Variants in LHFPL6 observed in about 807,000 individuals in gnomAD.
LHFPL6 encodes LHFPL tetraspan subfamily member 6 protein.
Under a neutral mutation model 20.6 loss-of-function variants are expected in LHFPL6, and 9 were observed. The ratio of observed to expected loss-of-function variants is 0.44; its 90% CI spans 0.26 to 0.76. The LOEUF (loss-of-function observed/expected upper bound fraction) is 0.76. Among genes scored for constraint, LHFPL6 ranks in the 30% least tolerant of loss-of-function variants. LHFPL6 has a pLI of 0.20. For missense variants in LHFPL6, 218 were observed against 253.5 expected, an observed-to-expected ratio of 0.86 and a Z score of 0.95; for synonymous variants, 105 against 98.7, an observed-to-expected ratio of 1.06 and a Z score of -0.38.
intron 2 of LHFPL6, among the ~76,000 whole-genome samples, chr13:39,383,297 A>G (rs1213936219): frequency 1.3e-5 from 2 of 152,234 alleles, no homozygotes; most frequent in African/African-American, 2.4e-5. Flanking sequence ...TCAGGCCACA[A>G]TATTTTCCAT....
chr13:39,476,658 A>G (rs1419458699), intron 2 of LHFPL6, among the ~76,000 whole-genome samples: 3 of 152,224 alleles, frequency 2.0e-5, no homozygotes, highest in African/African-American at 7.2e-5. Context: ...ATCAACTACA[A>G]CATCTCTGGA....
intron 2 of LHFPL6, among the ~76,000 whole-genome samples, chr13:39,548,723 G>A (rs1433564874): frequency 3.3e-5 from 5 of 152,038 alleles, no homozygotes; most frequent in African/African-American, 4.8e-5. Context: ...AAAAGAAACC[G>A]GGGTTTGTCC....
chr13:39,567,148 T>G (rs1319556363), intron 2 of LHFPL6, among the ~76,000 whole-genome samples: 1 of 151,904 alleles, frequency 6.6e-6, no homozygotes, highest in Non-Finnish European at 1.5e-5. Context: ...ATCAGAAGAC[T>G]CCAAAGTTCA....
intron 2 of LHFPL6, among the ~76,000 whole-genome samples, chr13:39,598,415 T>C (rs928360125): frequency 2.6e-5 from 4 of 152,184 alleles, no homozygotes; most frequent in African/African-American, 9.6e-5. Flanking sequence ...AATGGGTATG[T>C]TTACTTGTGC....
rs150380568 is a variant in LHFPL6, at chr13:39,553,458, T to G, written c.385+47374A>C. ...CAGGCATGCAGGCTCACACCTCTTATCACAATACTTGGGGAGGCGAAGATA... is the reference window on the plus strand; with the variant it reads ...CAGGCATGCAGGCTCACACCTCTTAGCACAATACTTGGGGAGGCGAAGATA... On this transcript the variant is annotated intron_variant, in intron 2 of 3. Coordinates refer to ENST00000379589, the MANE Select transcript of LHFPL6 (RefSeq NM_005780.3). Among the ~76,000 whole-genome samples the G allele has an allele frequency of 4.3e-3, 647 of 152,224 alleles. 2 individuals carry two copies. Among genetic ancestry groups the G allele is most frequent in the African/African-American group, 0.015 (622 of 41,528 alleles).
At chr13:39,524,147 A>T (rs1566132684) in intron 2 of LHFPL6, among the ~76,000 whole-genome samples, 1 of 152,210 alleles carries the variant, frequency 6.6e-6, no homozygotes, top group Non-Finnish European at 1.5e-5. Context: ...GGGCTAAGGG[A>T]CATAGGAATG....
intron 2 of LHFPL6, among the ~76,000 whole-genome samples, chr13:39,461,246 A>G (rs765962504): frequency 6.6e-6 from 1 of 152,124 alleles, no homozygotes; most frequent in African/African-American, 2.4e-5. Flanking sequence ...ACTGATGGGC[A>G]TTTAGGTTGA....
chr13:39,454,083 G>T (rs1424934000), intron 2 of LHFPL6, among the ~76,000 whole-genome samples: 4 of 152,156 alleles, frequency 2.6e-5, no homozygotes, highest in South Asian at 4.1e-4. Context: ...CATACTTGGG[G>T]ATAATCAAGA....
chr13:39,596,759 GA>G (rs1277409804), intron 2 of LHFPL6, among the ~76,000 whole-genome samples: 2 of 152,106 alleles, frequency 1.3e-5, no homozygotes, highest in African/African-American at 4.8e-5. Context: ...CACTGTCACA[GA>G]AAGCCACTAT....
chr13:39,468,509 A>T (rs181207860), intron 2 of LHFPL6, among the ~76,000 whole-genome samples: 298 of 152,226 alleles, frequency 2.0e-3, no homozygotes, highest in African/African-American at 7.0e-3. Context: ...GATTTTTTGA[A>T]CTGGGCCAAG....
At chr13:39,477,991 T>C (rs1873124670) in intron 2 of LHFPL6, among the ~76,000 whole-genome samples, 1 of 152,242 alleles carries the variant, frequency 6.6e-6, no homozygotes, top group Admixed American at 6.5e-5. Context: ...TTACTGCTAA[T>C]TTAACAGCAT....
chr13:39,504,197 A>G (rs1024465355), intron 2 of LHFPL6, among the ~76,000 whole-genome samples: 1 of 152,226 alleles, frequency 6.6e-6, no homozygotes, highest in Non-Finnish European at 1.5e-5. Flanking sequence ...ATATAGTTTA[A>G]TCACAATGTT....
chr13:39,426,812 C>A (rs553948832), intron 2 of LHFPL6, among the ~76,000 whole-genome samples: 6 of 152,150 alleles, frequency 3.9e-5, no homozygotes, highest in East Asian at 1.9e-4. Flanking sequence ...CATTTGGTAT[C>A]GTATCTAAGA....
At chr13:39,400,579 C>T (rs1434456684) in intron 2 of LHFPL6, among the ~76,000 whole-genome samples, 1 of 151,486 alleles carries the variant, frequency 6.6e-6, no homozygotes, top group East Asian at 1.9e-4. Flanking sequence ...GTCAGGAGAT[C>T]GAGACCATCC....
intron 2 of LHFPL6, among the ~76,000 whole-genome samples, chr13:39,420,577 G>A (rs970576034): frequency 6.6e-6 from 1 of 152,172 alleles, no homozygotes; most frequent in Non-Finnish European, 1.5e-5. Context: ...AGGAAGTGGG[G>A]TTTGTGACGT....
intron 3 of LHFPL6, among the ~76,000 whole-genome samples, chr13:39,358,677 C>G (rs1395489342): frequency 1.3e-5 from 2 of 152,072 alleles, no homozygotes; most frequent in African/African-American, 4.8e-5. Flanking sequence ...CTGTAAGAAA[C>G]TTAAACAATT....
chr13:39,485,464 G>A (rs960717336), intron 2 of LHFPL6, among the ~76,000 whole-genome samples: 4 of 152,120 alleles, frequency 2.6e-5, no homozygotes, highest in African/African-American at 9.7e-5. Flanking sequence ...AACCCTATGG[G>A]TCAATGGGAA....
At chr13:39,350,848 G>A (rs1273784031) in intron 3 of LHFPL6, among the ~76,000 whole-genome samples, 2 of 152,202 alleles carry the variant, frequency 1.3e-5, no homozygotes, top group African/African-American at 2.4e-5. Context: ...CAGCCCCAGA[G>A]TAGAGATAGG....
chr13:39,547,276 C>T (rs1320720541), intron 2 of LHFPL6, among the ~76,000 whole-genome samples: 1 of 152,142 alleles, frequency 6.6e-6, no homozygotes, highest in African/African-American at 2.4e-5. Flanking sequence ...TGGTTTCCAA[C>T]ACATTGCCTC....
Sources: gnomAD v4.1 joint callset for allele counts (sites outside exome capture counted in the v4.1 genomes callset) on GRCh38, gnomAD v4.1.1 for gene constraint, MANE v1.5 for transcripts, NCBI Gene and HGNC (gene_info 2026-07-23, HGNC 2026-07-21) for gene names.